The following XRN2 variants were observed in gnomAD, a reference collection of about 807,000 sequenced individuals.
XRN2 encodes the protein 5'-3' exoribonuclease 2, also known as DHM1-like protein.
Under a neutral mutation model 138.5 loss-of-function variants are expected in XRN2, and 44 were observed. The observed-to-expected ratio is 0.32, with a 90% CI of 0.25 to 0.41. The LOEUF (loss-of-function observed/expected upper bound fraction) is 0.41. Ranked by LOEUF, XRN2 falls within the 10% of genes least tolerant of loss-of-function variation. XRN2 has a pLI of 1.00. For synonymous variants in XRN2, 354 were observed against 369.4 expected (o/e 0.96, Z 0.48); for missense variants, 937 against 1,169.3 (o/e 0.80, Z 2.90).
At chr20:21,322,850 C>T (rs113828628) in intron 1 of XRN2, among the ~76,000 whole-genome samples, 56 of 152,320 alleles carry the variant, frequency 3.7e-4, no homozygotes, top group Middle Eastern at 3.4e-3. Context: ...CACGAAGGAG[C>T]AGGCTTCCTA....
chr20:21,381,496 G>A (rs1437698488), intron 27 of XRN2, among the ~76,000 whole-genome samples: 3 of 152,086 alleles, frequency 2.0e-5, no homozygotes, highest in African/African-American at 7.2e-5. Flanking sequence ...GTGTTTTCTT[G>A]GTTTGTGTTG....
rs145986938 is a variant in XRN2, at chr20:21,329,188, G to A, written c.427+518G>A. Among the ~76,000 whole-genome samples, 970 of 152,304 alleles carry A rather than the reference G, an allele frequency of 6.4e-3. 9 individuals carry two copies. Among genetic ancestry groups the A allele is most frequent in the African/African-American group, 0.023 (944 of 41,564 alleles). On this transcript the variant is annotated intron_variant, in intron 4 of 29. Coordinates refer to ENST00000377191, the MANE Select transcript of XRN2 (RefSeq NM_012255.5). Reference sequence around the variant, plus strand: ...AATATAGGTTGATGGAGCAGGCACAGTACTTATGGTTCCTTCAAGTTTGGA... The same window carrying A: ...AATATAGGTTGATGGAGCAGGCACAATACTTATGGTTCCTTCAAGTTTGGA...
chr20:21,342,071 A>G (rs1047534307), intron 15 of XRN2, among the ~76,000 whole-genome samples: 122 of 152,266 alleles, frequency 8.0e-4, no homozygotes, highest in African/African-American at 2.8e-3. Context: ...AATTATTTCT[A>G]TATAGAGGAG....
intron 3 of XRN2, 116 bp downstream of exon 3, chr20:21,326,717 G>A: frequency 1.3e-6 from 1 of 796,112 alleles, no homozygotes; most frequent in Non-Finnish European, 2.0e-6. Context: ...ACTTGAGAAA[G>A]AAAGCCTCAT....
intron 26 of XRN2, 37 bp downstream of exon 26, chr20:21,365,741 T>G (rs916291213): frequency 1.5e-5 from 24 of 1,551,142 alleles, no homozygotes; most frequent in Non-Finnish European, 2.0e-5. Context: ...ATATTTTGCT[T>G]TTTCTGAATC....
At chr20:21,317,740 G>T (rs532486797) in intron 1 of XRN2, among the ~76,000 whole-genome samples, 1 of 152,250 alleles carries the variant, frequency 6.6e-6, no homozygotes, top group South Asian at 2.1e-4. Flanking sequence ...ACAAGAAAAG[G>T]TCTGCACATG....
chr20:21,366,401 T>G (rs1006049071), intron 26 of XRN2, among the ~76,000 whole-genome samples: 4 of 150,266 alleles, frequency 2.7e-5, no homozygotes. Flanking sequence ...ATACAAAAAG[T>G]TATCTGGGCA....
At chr20:21,353,508 A>AT (rs1314931371) in intron 20 of XRN2, among the ~76,000 whole-genome samples, 1 of 151,758 alleles carries the variant, frequency 6.6e-6, no homozygotes, top group Non-Finnish European at 1.5e-5. Flanking sequence ...GAAAAAAAAA[A>AT]GATCAGGTGC....
intron 27 of XRN2, among the ~76,000 whole-genome samples, chr20:21,375,937 C>G (rs755240799): frequency 6.6e-6 from 1 of 151,950 alleles, no homozygotes; most frequent in Non-Finnish European, 1.5e-5. Flanking sequence ...CTCCCGGGTT[C>G]ATGCCATTCT....
intron 1 of XRN2, among the ~76,000 whole-genome samples, chr20:21,325,619 G>T (rs2038114645): frequency 6.6e-6 from 1 of 152,206 alleles, no homozygotes; most frequent in South Asian, 2.1e-4. Flanking sequence ...GGCATTGAGA[G>T]ATCAAAAGGC....
At chr20:21,386,690 A>G (rs1263354874) in intron 28 of XRN2, among the ~76,000 whole-genome samples, 178 bp from the exon 29 acceptor site, 1 of 152,202 alleles carries the variant, frequency 6.6e-6, no homozygotes, top group Admixed American at 6.5e-5. Context: ...GCTTCATGAA[A>G]CATGTTAGAT....
chr20:21,357,527 A>G (rs751193444), intron 23 of XRN2, among the ~76,000 whole-genome samples: 7 of 152,030 alleles, frequency 4.6e-5, no homozygotes, highest in Non-Finnish European at 1.0e-4. Flanking sequence ...TACTAATGAG[A>G]TTGAATGCCT....
At chr20:21,388,784 T>C (rs2038960657) in intron 29 of XRN2, among the ~76,000 whole-genome samples, 1 of 152,244 alleles carries the variant, frequency 6.6e-6, no homozygotes, top group Non-Finnish European at 1.5e-5. Flanking sequence ...TAATATGTCA[T>C]TTAAAGCCCT....
intron 1 of XRN2, 163 bp downstream of exon 1, chr20:21,303,636 G>A (rs2037770510): frequency 1.5e-6 from 2 of 1,355,548 alleles, no homozygotes; most frequent in South Asian, 1.8e-5. Flanking sequence ...TGGGACGCGG[G>A]CTGTGGGATT....
chr20:21,325,990 A>G (rs2038123519), intron 1 of XRN2, among the ~76,000 whole-genome samples: 1 of 152,184 alleles, frequency 6.6e-6, no homozygotes, highest in African/African-American at 2.4e-5. Context: ...AGGGAAATGA[A>G]TTTTAAGATG....
intron 16 of XRN2, among the ~76,000 whole-genome samples, chr20:21,344,560 T>G (rs548955153): frequency 1.1e-4 from 16 of 152,320 alleles, no homozygotes; most frequent in African/African-American, 3.8e-4. Context: ...TTCAAGCTGC[T>G]TAACCTAGAA....
At chr20:21,357,240 TA>T (rs746974166) in intron 23 of XRN2, among the ~76,000 whole-genome samples, 1 of 152,200 alleles carries the variant, frequency 6.6e-6, no homozygotes, top group Non-Finnish European at 1.5e-5. Flanking sequence ...TTTAAGAATG[TA>T]AAAGGGTTCT....
At chr20:21,330,291 A>T (rs1372522941) in intron 4 of XRN2, among the ~76,000 whole-genome samples, 190 bp from the exon 5 acceptor site, 1 of 152,078 alleles carries the variant, frequency 6.6e-6, no homozygotes, top group Non-Finnish European at 1.5e-5. Flanking sequence ...CTCAAATAAT[A>T]ATAATAATAA....
rs1403632225 is a variant in XRN2 at position 21,307,983 on chromosome 20, C to A, written c.75+4510C>A. 2.6e-5 allele frequency among the ~76,000 whole-genome samples: 2 copies of A among 75,672 alleles called. 1 individual carries two copies. The highest frequency in any genetic ancestry group is 6.2e-5 in the Non-Finnish European group (2 of 32,340). The allele number at this position is 75,672 out of a possible 152,430, so 49.6% of individuals were successfully genotyped here. A position where few individuals can be genotyped will look rare whatever the true frequency, so the allele number is the denominator to read the frequency against. ...ATGGAGTCTCGCTCTGTCGCCCAGG[C>A]TGGAGTGCAGTGGTGCGATCTCGGC... On this transcript the variant is annotated intron_variant, in intron 1 of 29. Transcript: ENST00000377191.
Sources: allele counts gnomAD v4.1 joint callset (sites outside exome capture counted in the v4.1 genomes callset), GRCh38; gene constraint gnomAD v4.1.1; transcripts MANE v1.5; gene names NCBI Gene and HGNC (gene_info 2026-07-23, HGNC 2026-07-21).